Variants in CAST observed in about 807,000 individuals in gnomAD.
CAST encodes the protein MIR583 host.
In CAST, 76 loss-of-function variants were observed where a neutral mutation model predicts 119.6. The ratio of observed to expected loss-of-function variants is 0.64; its 90% CI spans 0.53 to 0.77. CAST has a LOEUF of 0.77. CAST is among the 30% of genes least tolerant of loss of function. The pLI, the probability that CAST is intolerant of heterozygous loss-of-function variation, is 0.00. For synonymous variants in CAST, 319 were observed against 331.6 expected, an observed-to-expected ratio of 0.96 and a Z score of 0.41; for missense variants, 953 against 946.5, an observed-to-expected ratio of 1.01 and a Z score of -0.09.
At chr5:96,743,796 T>C in intron 16 of CAST, 2 of 1,179,684 alleles carry the variant, frequency 1.7e-6, no homozygotes, top group Non-Finnish European at 2.4e-6. Context: ...ATGTGAGATA[T>C]ACATTACTTA....
chr5:96,563,899 C>A (rs180919158), intron 1 of CAST, among the ~76,000 whole-genome samples: 1 of 152,146 alleles, frequency 6.6e-6, no homozygotes, highest in African/African-American at 2.4e-5. Context: ...TTGCCTTTTG[C>A]TTACCATTTT....
chr5:96,722,909 A>G (rs578076765), intron 4 of CAST, among the ~76,000 whole-genome samples: 3 of 152,220 alleles, frequency 2.0e-5, no homozygotes, highest in Non-Finnish European at 4.4e-5. Flanking sequence ...GTTTTAGGTT[A>G]TCTAGAAAAG....
the CAST span, among the ~76,000 whole-genome samples, chr5:96,509,553 A>G: frequency 6.6e-6 from 1 of 152,218 alleles, no homozygotes; most frequent in African/African-American, 2.4e-5. Flanking sequence ...TGCTTCTGCT[A>G]TAAATAATCC....
At chr5:96,041,124 T>G in the CAST span, among the ~76,000 whole-genome samples, 1 of 152,110 alleles carries the variant, frequency 6.6e-6, no homozygotes, top group Non-Finnish European at 1.5e-5. Flanking sequence ...ATTCCTTAAG[T>G]GTGGGTTGCT....
At chr5:96,298,281 A>G in the CAST span, among the ~76,000 whole-genome samples, 3 of 152,142 alleles carry the variant, frequency 2.0e-5, no homozygotes, top group Admixed American at 6.6e-5. Context: ...CTTTAAATCT[A>G]TTTCTTTTAG....
the CAST span, among the ~76,000 whole-genome samples, chr5:96,129,701 A>T: frequency 6.6e-6 from 1 of 152,118 alleles, no homozygotes; most frequent in Non-Finnish European, 1.5e-5. Flanking sequence ...ATGACATCAG[A>T]GATATTTTTC....
At chr5:96,706,527 C>A (rs541434290) in intron 3 of CAST, among the ~76,000 whole-genome samples, 194 of 152,288 alleles carry the variant, frequency 1.3e-3, no homozygotes, top group African/African-American at 4.3e-3. Context: ...AATATGATTT[C>A]TTTAAAGGAA....
the CAST span, among the ~76,000 whole-genome samples, chr5:96,337,044 T>G: frequency 6.6e-6 from 1 of 152,172 alleles, no homozygotes; most frequent in East Asian, 1.9e-4. Flanking sequence ...AGATGAAACA[T>G]ATTTGAAAAA....
chr5:96,246,665 A>C, the CAST span, among the ~76,000 whole-genome samples: 2 of 152,338 alleles, frequency 1.3e-5, no homozygotes, highest in Non-Finnish European at 1.5e-5. Flanking sequence ...CAAGTTTCTC[A>C]GTACATCTAC....
intron 1 of CAST, among the ~76,000 whole-genome samples, chr5:96,536,908 A>G (rs544819772): frequency 6.6e-6 from 1 of 152,290 alleles, no homozygotes; most frequent in Admixed American, 6.5e-5. Flanking sequence ...CAGGCATGGG[A>G]ACTTCTGATC....
chr5:96,744,144 C>G (rs1303147051), intron 16 of CAST, among the ~76,000 whole-genome samples: 1 of 152,146 alleles, frequency 6.6e-6, no homozygotes, highest in Non-Finnish European at 1.5e-5. Flanking sequence ...ATTAAGTTCC[C>G]TCTAGAAAAC....
At chr5:96,076,586 G>A in the CAST span, among the ~76,000 whole-genome samples, 1 of 152,208 alleles carries the variant, frequency 6.6e-6, no homozygotes. Context: ...GGCTGCTGGA[G>A]TTGAGTAATT....
chr5:96,166,625 T>C, the CAST span, among the ~76,000 whole-genome samples: 479 of 152,306 alleles, frequency 3.1e-3, 1 homozygote, highest in Non-Finnish European at 3.8e-3. Flanking sequence ...TATGTTTATT[T>C]TGAAAAAATT....
the CAST span, among the ~76,000 whole-genome samples, chr5:96,245,606 GCTCT>G: frequency 6.9e-6 from 1 of 145,782 alleles, no homozygotes; most frequent in South Asian, 2.2e-4. Flanking sequence ...ATCAGTGTTT[GCTCT>G]CTGTGTAATG....
At chr5:96,535,564 A>ATTTTTTTTTTTTTT (rs767087154) in intron 1 of CAST, among the ~76,000 whole-genome samples, 1 of 88,402 alleles carries the variant, frequency 1.1e-5, no homozygotes, top group Non-Finnish European at 2.0e-5. Context: ...TAAATAAACA[A>ATTTTTTTTTTTTTT]TTTTTTTTTT....
the CAST span, among the ~76,000 whole-genome samples, chr5:96,227,882 C>T: frequency 2.2e-4 from 33 of 152,004 alleles, no homozygotes; most frequent in Non-Finnish European, 4.6e-4. Context: ...AAGTTTTGGC[C>T]AACAATGTGT....
chr5:96,130,744 A>G, the CAST span, among the ~76,000 whole-genome samples: 3 of 152,102 alleles, frequency 2.0e-5, no homozygotes, highest in Admixed American at 2.0e-4. Context: ...GATATCTACA[A>G]GAGAGAAAAT....
At chr5:96,138,020 T>G in the CAST span, among the ~76,000 whole-genome samples, 3 of 152,070 alleles carry the variant, frequency 2.0e-5, no homozygotes, top group African/African-American at 7.2e-5. Flanking sequence ...ATTTCTCCCT[T>G]CATAGGTTGT....
At chr5:96,572,400 C>T (rs1746587724) in intron 1 of CAST, among the ~76,000 whole-genome samples, 1 of 152,104 alleles carries the variant, frequency 6.6e-6, no homozygotes, top group Non-Finnish European at 1.5e-5. Flanking sequence ...GGGGTTTCGC[C>T]ATGTTGGCCA....
Sources: allele counts gnomAD v4.1 joint callset (sites outside exome capture counted in the v4.1 genomes callset), GRCh38; gene constraint gnomAD v4.1.1; transcripts MANE v1.5; gene names NCBI Gene and HGNC (gene_info 2026-07-23, HGNC 2026-07-21).